ITPR2: variants seen among roughly 807,000 people sequenced by gnomAD.
The protein encoded by ITPR2 is inositol 1,4,5-trisphosphate-gated calcium channel ITPR2.
ITPR2 carries 207 observed loss-of-function variants against 317.1 expected under a neutral mutation model. The ratio of observed to expected loss-of-function variants is 0.65; its 90% CI spans 0.58 to 0.73. The LOEUF (loss-of-function observed/expected upper bound fraction) is 0.73, where lower values mean the gene tolerates loss of function less well. Ranked by LOEUF, ITPR2 falls within the 30% of genes least tolerant of loss-of-function variation. ITPR2 has a pLI of 0.00. For synonymous variants in ITPR2, 1,156 were observed against 1,149.1 expected (o/e 1.01, Z -0.12); for missense variants, 2,613 against 3,284.0 (o/e 0.80, Z 4.99).
intron 34 of ITPR2, among the ~76,000 whole-genome samples, chr12:26,568,019 TATA>T (rs1438217799): frequency 7.9e-6 from 1 of 126,334 alleles, no homozygotes; most frequent in Admixed American, 8.7e-5. Flanking sequence ...TATATATATA[TATA>T]TATATATATA....
At chr12:26,480,466 T>C (rs1258693991) in intron 43 of ITPR2, among the ~76,000 whole-genome samples, 1 of 152,180 alleles carries the variant, frequency 6.6e-6, no homozygotes, top group Non-Finnish European at 1.5e-5. Context: ...ATTCCTTGTG[T>C]CTTTCTGGGT....
intron 37 of ITPR2, among the ~76,000 whole-genome samples, chr12:26,522,825 A>C (rs10842748): frequency 0.078 from 11,868 of 152,210 alleles, 1,214 homozygotes; most frequent in East Asian, 0.46. Flanking sequence ...GAAGAAAAAA[A>C]GCCATGCTTC....
At chr12:26,614,091 C>A (rs1946326579) in intron 26 of ITPR2, among the ~76,000 whole-genome samples, 1 of 151,934 alleles carries the variant, frequency 6.6e-6, no homozygotes, top group Non-Finnish European at 1.5e-5. Flanking sequence ...TGCAAAGAAC[C>A]CTCCTATTAC....
At chr12:26,381,317 G>A (rs933496789) in intron 55 of ITPR2, among the ~76,000 whole-genome samples, 5 of 152,196 alleles carry the variant, frequency 3.3e-5, no homozygotes, top group African/African-American at 1.2e-4. Flanking sequence ...TGTAAATTAT[G>A]TCCAACTCCC....
At chr12:26,641,237 TAAA>T (rs201661089) in intron 21 of ITPR2, among the ~76,000 whole-genome samples, 1 of 144,244 alleles carries the variant, frequency 6.9e-6, no homozygotes, top group African/African-American at 2.5e-5. Context: ...ATTCTTTGTT[TAAA>T]AAAAAAAAAA....
chr12:26,600,798 C>A (rs1176853035), intron 28 of ITPR2, among the ~76,000 whole-genome samples: 1 of 151,946 alleles, frequency 6.6e-6, no homozygotes, highest in African/African-American at 2.4e-5. Context: ...TTCCTCTCTT[C>A]CTCCACTCTG....
At chr12:26,434,007 T>C (rs1366729199) in intron 48 of ITPR2, among the ~76,000 whole-genome samples, 1 of 152,198 alleles carries the variant, frequency 6.6e-6, no homozygotes, top group African/African-American at 2.4e-5. Flanking sequence ...TTAAAAAACA[T>C]TTGTATTATT....
chr12:26,450,555 T>C (rs1941713544), intron 45 of ITPR2, among the ~76,000 whole-genome samples: 1 of 152,172 alleles, frequency 6.6e-6, no homozygotes, highest in Non-Finnish European at 1.5e-5. Context: ...GAAAAGGCTT[T>C]CCCACATGAG....
At chr12:26,814,584 A>T (rs1248859038) in intron 1 of ITPR2, among the ~76,000 whole-genome samples, 3 of 152,230 alleles carry the variant, frequency 2.0e-5, no homozygotes, top group Non-Finnish European at 4.4e-5. Flanking sequence ...CACCATCAAG[A>T]ATTTATGTTA....
intron 2 of ITPR2, among the ~76,000 whole-genome samples, chr12:26,739,529 C>T (rs1204556089): frequency 1.3e-5 from 2 of 152,108 alleles, no homozygotes; most frequent in African/African-American, 2.4e-5. Context: ...ACACATCTTA[C>T]TAAGTGAAAG....
intron 45 of ITPR2, among the ~76,000 whole-genome samples, chr12:26,467,747 T>C (rs995041006): frequency 2.2e-4 from 33 of 152,076 alleles, no homozygotes; most frequent in Non-Finnish European, 4.7e-4. Flanking sequence ...AATTAGTGAG[T>C]CCCATTTCAA....
At chr12:26,776,985 G>A (rs1949985315) in intron 2 of ITPR2, among the ~76,000 whole-genome samples, 2 of 152,288 alleles carry the variant, frequency 1.3e-5, no homozygotes, top group Non-Finnish European at 2.9e-5. Context: ...CTGAAAAACA[G>A]ACATGGGAAT....
intron 1 of ITPR2, among the ~76,000 whole-genome samples, chr12:26,803,917 A>G (rs898544744): frequency 1.3e-5 from 2 of 152,234 alleles, no homozygotes; most frequent in East Asian, 1.9e-4. Flanking sequence ...CTAGACTCAT[A>G]CTACCAGAAA....
At chr12:26,389,488 CTTT>C (rs200480528) in intron 54 of ITPR2, among the ~76,000 whole-genome samples, 21 of 145,226 alleles carry the variant, frequency 1.4e-4, no homozygotes, top group Admixed American at 2.8e-4. Context: ...GGCCTCTTTG[CTTT>C]TTTTTTTTTT....
chr12:26,444,643 A>C (rs966220229), intron 45 of ITPR2, among the ~76,000 whole-genome samples: 7 of 152,198 alleles, frequency 4.6e-5, no homozygotes, highest in African/African-American at 1.7e-4. Context: ...ACATAGCTAG[A>C]AAATGGTAGA....
chr12:26,397,976 G>A (rs1212242423), intron 54 of ITPR2, among the ~76,000 whole-genome samples: 1 of 151,948 alleles, frequency 6.6e-6, no homozygotes, highest in Non-Finnish European at 1.5e-5. Context: ...GCAGAGCTGA[G>A]GGGGATGATG....
chr12:26,662,667 C>T lies in ITPR2; in HGVS notation c.1713+1018G>A, dbSNP rs575055235. 8.5e-5 allele frequency among the ~76,000 whole-genome samples: 13 copies of T among 152,218 alleles called. 1 individual carries two copies. Among genetic ancestry groups the T allele is most frequent in the Non-Finnish European group, 1.6e-4 (11 of 68,018 alleles). ...ATTGAACACATTGCAAAATATTAAG[C>T]TTGTGTTTTGTTTTGTTTTTTATGA... On this transcript the variant is annotated intron_variant, in intron 15 of 56. Coordinates refer to ENST00000381340, the MANE Select transcript of ITPR2 (RefSeq NM_002223.4).
intron 26 of ITPR2, among the ~76,000 whole-genome samples, chr12:26,609,423 A>G (rs1946213680): frequency 6.6e-6 from 1 of 152,126 alleles, no homozygotes; most frequent in South Asian, 2.1e-4. Flanking sequence ...CCTGGGCCAT[A>G]TGGTGAAACC....
intron 35 of ITPR2, among the ~76,000 whole-genome samples, chr12:26,557,764 T>G (rs572906543): frequency 6.6e-6 from 1 of 152,368 alleles, no homozygotes; most frequent in East Asian, 1.9e-4. Context: ...GCATCTTAAC[T>G]GATATGTTTC....
Sources: gnomAD v4.1 joint callset for allele counts (sites outside exome capture counted in the v4.1 genomes callset) on GRCh38, gnomAD v4.1.1 for gene constraint, MANE v1.5 for transcripts, NCBI Gene and HGNC (gene_info 2026-07-23, HGNC 2026-07-21) for gene names.